Variants in KCTD10 observed in about 807,000 individuals in gnomAD.
KCTD10 encodes BTB/POZ domain-containing adapter for CUL3-mediated RhoA degradation protein 3.
Under a neutral mutation model 34.6 loss-of-function variants are expected in KCTD10, and 13 were observed. The observed-to-expected ratio is 0.38, with a 90% confidence interval of 0.24 to 0.60. KCTD10 has a LOEUF of 0.60. Among genes scored for constraint, KCTD10 ranks in the 20% least tolerant of loss-of-function variants. KCTD10 has a pLI of 0.66. For missense variants in KCTD10, 256 were observed against 420.3 expected, an observed-to-expected ratio of 0.61 and a Z score of 3.42; for synonymous variants, 156 against 168.8, an observed-to-expected ratio of 0.92 and a Z score of 0.59.
intron 5 of KCTD10, chr12:109,456,695 C>G (rs1334880238): frequency 3.8e-6 from 1 of 265,976 alleles, no homozygotes; most frequent in Non-Finnish European, 7.3e-6. Flanking sequence ...ACTCTATATC[C>G]TAGGTCTTTT....
chr12:109,464,182 T>A (rs1873485630), intron 2 of KCTD10, among the ~76,000 whole-genome samples: 1 of 152,208 alleles, frequency 6.6e-6, no homozygotes, highest in South Asian at 2.1e-4. Flanking sequence ...ATTTTTGTGG[T>A]TCCCAAACAC....
chr12:109,468,414 A>G (rs1313670384), intron 2 of KCTD10, among the ~76,000 whole-genome samples: 1 of 152,196 alleles, frequency 6.6e-6, no homozygotes. Context: ...GTAGGGCAGC[A>G]GCACAGAAGA....
chr12:109,455,845 G>T (rs1263315391), intron 6 of KCTD10, among the ~76,000 whole-genome samples: 2 of 152,100 alleles, frequency 1.3e-5, no homozygotes, highest in East Asian at 3.9e-4. Context: ...TGGAGAGGAT[G>T]ATATAAAAAC....
chr12:109,473,342 C>G (rs1205747486), intron 1 of KCTD10, among the ~76,000 whole-genome samples: 1 of 152,164 alleles, frequency 6.6e-6, no homozygotes, highest in Admixed American at 6.5e-5. Context: ...AAGGCCCCAG[C>G]CCTACCACTT....
intron 1 of KCTD10, among the ~76,000 whole-genome samples, chr12:109,472,690 C>T (rs751605030): frequency 2.6e-5 from 4 of 152,190 alleles, no homozygotes; most frequent in East Asian, 1.9e-4. Flanking sequence ...AGCATCACCA[C>T]GAACACGTAA....
intron 5 of KCTD10, 72 bp from the exon 6 acceptor site, chr12:109,456,385 C>G (rs550954773): frequency 5.9e-6 from 8 of 1,359,976 alleles, no homozygotes; most frequent in Non-Finnish European, 8.3e-6. Flanking sequence ...CCCTTCTACA[C>G]GCAGGGCCCT....
intron 2 of KCTD10, 154 bp downstream of exon 2, chr12:109,469,361 T>G: frequency 1.2e-6 from 1 of 822,730 alleles, no homozygotes; most frequent in Non-Finnish European, 1.9e-6. Context: ...CAAAGTAACA[T>G]AGCAAATCAA....
intron 2 of KCTD10, among the ~76,000 whole-genome samples, chr12:109,462,386 A>T (rs1244645465): frequency 1.3e-5 from 2 of 152,208 alleles, no homozygotes; most frequent in Non-Finnish European, 2.9e-5. Flanking sequence ...AGAATACCCC[A>T]AGTGGGGGGA....
chr12:109,457,833 A>C, intron 4 of KCTD10, 151 bp from the exon 5 acceptor site: 5 of 996,844 alleles, frequency 5.0e-6, no homozygotes, highest in Non-Finnish European at 7.9e-6. Flanking sequence ...ACATGACCCA[A>C]TAGCAGGGGC....
Position 109,460,727 on chromosome 12 carries a change from G to T in KCTD10, c.296C>A (p.Pro99His). ...NYLRDGAVPL[P>H]ESRREIEELL... is the part of the protein sequence containing the mutation. The stretch of plus-strand genomic sequence containing the variant: ...CTCCTCGATCTCCCGGCGGCTCTCG[G>T]GTAAAGGCACCGCCCCGTCTCGAAG... The change falls in exon 3 of 7, where the codon CCC becomes CAC. Residue 99 changes from proline to histidine, a missense_variant. Pro to His is a moderately conservative substitution (Grantham distance 77). This residue lies in a region of KCTD10 where 155 missense variants were observed against 207.0 expected (regional missense o/e 0.75). Transcript: ENST00000228495. This position sits in a 1 kb window ranked among gnomAD's most constrained non-coding sequence, Gnocchi z 4.5. The T allele has an allele frequency of 6.2e-7, 1 of 1,614,150 alleles. No individual in the cohort carries two copies. The highest frequency in any genetic ancestry group is 1.1e-5 in the South Asian group (1 of 91,082).
rs1228798478 is a variant in KCTD10 at position 109,460,576 on chromosome 12, G to A, written c.387+60C>T. ...CCCCCATTTTGCAGAGAGGGAAAAT[G>A]AGGAAGGCAGGTAGGCTTGGTGCCT... is the stretch of plus-strand genomic sequence containing the variant. On this transcript the variant is annotated intron_variant, in intron 3 of 6. Transcript: ENST00000228495. The surrounding 1 kb of genome is among the most constrained non-coding windows in gnomAD (Gnocchi z 4.5). 3 of 1,532,976 alleles carry A rather than the reference G, an allele frequency of 2.0e-6. No individual in the cohort carries two copies. The highest frequency in any genetic ancestry group is 2.7e-6 in the Non-Finnish European group (3 of 1,124,656). 95.0% of individuals were successfully genotyped at this position (1,532,976 alleles called of 1,614,324 possible).
chr12:109,469,229 CT>C (rs1873752279), intron 2 of KCTD10: 1 of 357,616 alleles, frequency 2.8e-6, no homozygotes, highest in African/African-American at 2.1e-5. Flanking sequence ...AAGACCCCAT[CT>C]TGGGAGGACA....
intron 2 of KCTD10, among the ~76,000 whole-genome samples, chr12:109,467,358 G>A (rs895718048): frequency 4.6e-5 from 7 of 152,212 alleles, no homozygotes; most frequent in African/African-American, 1.7e-4. Flanking sequence ...GGTGGCTCAC[G>A]CCTGTAATCC....
At chr12:109,465,973 C>T (rs1873565014) in intron 2 of KCTD10, among the ~76,000 whole-genome samples, 1 of 152,214 alleles carries the variant, frequency 6.6e-6, no homozygotes, top group Admixed American at 6.5e-5. Context: ...CAGACCACTA[C>T]AGGCAAATGC....
rs1592830989 is a variant in KCTD10, at chr12:109,450,474, C to G, written c.*1121G>C. The G allele has an allele frequency of 2.5e-5, 10 of 398,946 alleles. No individual in the cohort carries two copies. The East Asian group carries it at 2.8e-4, about 11-fold the overall frequency. 24.7% of individuals were successfully genotyped at this position (398,946 alleles called of 1,614,324 possible). A position where few individuals can be genotyped will look rare whatever the true frequency, so the allele number is the denominator to read the frequency against. ...ATCTATCTACCCGCACATCCTCAAC[C>G]TGTTCACTGCTGGCCACTCTACACT... On this transcript the variant is annotated 3_prime_UTR_variant, in exon 7 of 7. Coordinates refer to ENST00000228495, the MANE Select transcript of KCTD10 (RefSeq NM_031954.5).
intron 2 of KCTD10, among the ~76,000 whole-genome samples, chr12:109,463,885 A>T (rs1262296914): frequency 2.0e-5 from 3 of 152,238 alleles, no homozygotes; most frequent in Non-Finnish European, 4.4e-5. Flanking sequence ...GGTCTTTAAC[A>T]ATCTCATCTT....
intron 5 of KCTD10, 164 bp downstream of exon 5, chr12:109,457,466 A>C: frequency 4.9e-6 from 3 of 612,620 alleles, no homozygotes; most frequent in Non-Finnish European, 8.9e-6. Context: ...TGTGAATTAT[A>C]GCTCAGAGTT....
intron 6 of KCTD10, among the ~76,000 whole-genome samples, chr12:109,453,040 G>T (rs1259864654): frequency 6.6e-6 from 1 of 152,120 alleles, no homozygotes; most frequent in African/African-American, 2.4e-5. Flanking sequence ...GAGCCAGGAC[G>T]GGAGTCCAAG....
At chr12:109,474,938 G>A (rs1444712429) in intron 1 of KCTD10, among the ~76,000 whole-genome samples, 1 of 152,074 alleles carries the variant, frequency 6.6e-6, no homozygotes, top group African/African-American at 2.4e-5. Context: ...GGATAGTCTC[G>A]GCAAACCTGG....
Sources: gnomAD v4.1 joint callset for allele counts (sites outside exome capture counted in the v4.1 genomes callset) on GRCh38, gnomAD v4.1.1 for gene constraint, gnomAD v4.1.1 regional missense constraint, Gnocchi (gnomAD v3.1) non-coding constraint, MANE v1.5 for transcripts, NCBI Gene and HGNC (gene_info 2026-07-23, HGNC 2026-07-21) for gene names.